Variants in ZZZ3 observed in about 807,000 individuals in gnomAD.
ZZZ3 encodes zinc finger ZZ-type containing 3, also known as ZZ-type zinc finger-containing protein 3.
ZZZ3 carries 22 observed loss-of-function variants against 95.2 expected under a neutral mutation model. The observed-to-expected ratio is 0.23, with a 90% CI of 0.17 to 0.33. ZZZ3 has a LOEUF of 0.33. Ranked by LOEUF, ZZZ3 falls within the 10% of genes least tolerant of loss-of-function variation. The pLI is 1.00. For missense variants in ZZZ3, 885 were observed against 1,066.5 expected, an observed-to-expected ratio of 0.83 and a Z score of 2.37; for synonymous variants, 335 against 358.9, an observed-to-expected ratio of 0.93 and a Z score of 0.75.
intron 5 of ZZZ3, among the ~76,000 whole-genome samples, chr1:77,602,922 T>C (rs921496091): frequency 6.6e-6 from 1 of 151,982 alleles, no homozygotes; most frequent in Non-Finnish European, 1.5e-5. Flanking sequence ...ATGAGTATGA[T>C]GAACAGGGTA....
chr1:77,583,699 A>G (rs1557698650), intron 6 of ZZZ3, among the ~76,000 whole-genome samples: 1 of 152,200 alleles, frequency 6.6e-6, no homozygotes. Flanking sequence ...AAGATACTAA[A>G]GTTGTCATAC....
At chr1:77,574,507 G>T (rs1661734814) in intron 12 of ZZZ3, among the ~76,000 whole-genome samples, 3 of 151,974 alleles carry the variant, frequency 2.0e-5, no homozygotes, top group Admixed American at 2.0e-4. Context: ...CCATTAACAG[G>T]CCTACAAACA....
At chr1:77,676,326 C>T (rs894217937) in intron 1 of ZZZ3, among the ~76,000 whole-genome samples, 1 of 152,216 alleles carries the variant, frequency 6.6e-6, no homozygotes. Flanking sequence ...GCCACCACAC[C>T]AGGCTAATTT....
intron 11 of ZZZ3, among the ~76,000 whole-genome samples, chr1:77,576,682 G>A (rs553637974): frequency 6.6e-6 from 1 of 152,044 alleles, no homozygotes; most frequent in African/African-American, 2.4e-5. Flanking sequence ...TTCTATGCCA[G>A]GGTTGTCCAA....
intron 1 of ZZZ3, among the ~76,000 whole-genome samples, chr1:77,650,349 T>A (rs1402374279): frequency 6.6e-6 from 1 of 152,234 alleles, no homozygotes; most frequent in Non-Finnish European, 1.5e-5. Flanking sequence ...AGTTTAGTTA[T>A]TTGGAAGCAG....
At chr1:77,662,798 A>C (rs1449368104) in intron 1 of ZZZ3, among the ~76,000 whole-genome samples, 1 of 152,144 alleles carries the variant, frequency 6.6e-6, no homozygotes, top group African/African-American at 2.4e-5. Context: ...CTCAAAAAAC[A>C]AATACATAAA....
intron 5 of ZZZ3, among the ~76,000 whole-genome samples, chr1:77,604,323 C>G (rs912561111): frequency 6.6e-6 from 1 of 152,184 alleles, no homozygotes; most frequent in Non-Finnish European, 1.5e-5. Context: ...AACCACTACA[C>G]TGTATCATTC....
intron 5 of ZZZ3, among the ~76,000 whole-genome samples, chr1:77,611,369 C>T (rs1460484242): frequency 2.7e-5 from 4 of 150,842 alleles, no homozygotes; most frequent in Admixed American, 2.6e-4. Context: ...GATAGAAATA[C>T]ATGGGAAGAA....
intron 5 of ZZZ3, among the ~76,000 whole-genome samples, chr1:77,588,476 TTATAGAG>T (rs1479356490): frequency 6.6e-6 from 1 of 152,134 alleles, no homozygotes; most frequent in Non-Finnish European, 1.5e-5. Flanking sequence ...TAGACTTGTT[TTATAGAG>T]TATAAAGGGT....
At chr1:77,570,645 T>A (rs1181678585) in intron 12 of ZZZ3, among the ~76,000 whole-genome samples, 1 of 150,082 alleles carries the variant, frequency 6.7e-6, no homozygotes, top group Non-Finnish European at 1.5e-5. Context: ...CCTGTTATTT[T>A]ATTTTTATTT....
chr1:77,673,300 A>T (rs1671950055), intron 1 of ZZZ3, among the ~76,000 whole-genome samples: 1 of 152,212 alleles, frequency 6.6e-6, no homozygotes, highest in South Asian at 2.1e-4. Context: ...TCCTGAGAAG[A>T]AAGTTGCACT....
chr1:77,663,753 T>C (rs1671016233), intron 1 of ZZZ3, among the ~76,000 whole-genome samples: 1 of 134,744 alleles, frequency 7.4e-6, no homozygotes, highest in Non-Finnish European at 1.6e-5. Flanking sequence ...GTAAACCCTA[T>C]TTTTTTTTTT....
At position 77,565,705 on chromosome 1, in the gene ZZZ3, A is replaced by C; in HGVS notation, c.2647T>G (p.Tyr883Asp). 2 of 1,613,428 alleles carry C rather than the reference A, an allele frequency of 1.2e-6. No individual in the cohort carries two copies. The highest frequency in any genetic ancestry group is 1.7e-6 in the Non-Finnish European group (2 of 1,179,338). Residue 883 changes from tyrosine (Y) to aspartate (D), a missense_variant, in exon 15 of 15, where the codon TAC (tyrosine) becomes GAC (aspartate). Tyr to Asp is a radical substitution (Grantham distance 160). Coordinates refer to ENST00000370801, the MANE Select transcript of ZZZ3 (RefSeq NM_015534.6). The part of the protein sequence containing the change: ...YRSETFLDRD[Y>D]CVSQGTSYNY... ...TAACTGGTGCCCTGAGACACACAGT[A>C]GTCTCTGTCTAAGAATGTCTCTGAC...
At chr1:77,667,433 C>G (rs1277723345) in intron 1 of ZZZ3, among the ~76,000 whole-genome samples, 1 of 152,178 alleles carries the variant, frequency 6.6e-6, no homozygotes, top group Non-Finnish European at 1.5e-5. Flanking sequence ...AAAAGTAAAA[C>G]AGAATTTGGG....
chr1:77,681,594 A>AC (rs1672757705), intron 1 of ZZZ3, among the ~76,000 whole-genome samples: 1 of 152,144 alleles, frequency 6.6e-6, no homozygotes, highest in Admixed American at 6.5e-5. Context: ...TAAAAAGTTG[A>AC]CCTGAGGCCG....
intron 1 of ZZZ3, among the ~76,000 whole-genome samples, chr1:77,678,630 T>C (rs1672480370): frequency 6.6e-6 from 1 of 152,202 alleles, no homozygotes; most frequent in Admixed American, 6.5e-5. Context: ...TAAAACACTA[T>C]TCTACTATAG....
chr1:77,565,804 C>A lies in ZZZ3; in HGVS notation c.2568-20G>T. The A allele has an allele frequency of 1.2e-6, 2 of 1,602,310 alleles. No homozygotes were observed. Among genetic ancestry groups the A allele is most frequent in the Admixed American group, 1.7e-5 (1 of 58,870 alleles). ...TGTAGACTGTAAAGAAAAAAAGACA[C>A]ACATCATTACATGGTAGTGGATGCA... On this transcript the variant is annotated intron_variant, in intron 14 of 14. Transcript: ENST00000370801.
intron 5 of ZZZ3, among the ~76,000 whole-genome samples, chr1:77,612,350 G>A: frequency 6.6e-6 from 1 of 151,936 alleles, no homozygotes; most frequent in Non-Finnish European, 1.5e-5. Flanking sequence ...TGGAAATGTA[G>A]ATTGATACAA....
Position 77,641,447 on chromosome 1 carries a change from C to T in ZZZ3, c.-268-1G>A. The T allele has an allele frequency of 2.5e-6, 1 of 396,916 alleles. No individual in the cohort carries two copies. Among genetic ancestry groups the T allele is most frequent in the Non-Finnish European group, 4.4e-6 (1 of 225,026 alleles). The allele number at this position is 396,916 out of a possible 1,614,324, so 24.6% of individuals were successfully genotyped here. A position where few individuals can be genotyped will look rare whatever the true frequency, so the allele number is the denominator to read the frequency against. The stretch of plus-strand genomic sequence containing the variant: ...CAGTGTTTCTTAAAAGCCTGATACA[C>T]TGAAAAAGAAACTTCAATCAATTAC... On this transcript the variant is annotated splice_acceptor_variant, in intron 2 of 14. Coordinates refer to ENST00000370801, the MANE Select transcript of ZZZ3 (RefSeq NM_015534.6). LOFTEE classifies it low-confidence loss of function (5UTR_SPLICE).
Sources: allele counts gnomAD v4.1 joint callset (sites outside exome capture counted in the v4.1 genomes callset), GRCh38; gene constraint gnomAD v4.1.1; transcripts MANE v1.5; gene names NCBI Gene and HGNC (gene_info 2026-07-23, HGNC 2026-07-21).